SAMD12: variants seen among roughly 807,000 people sequenced by gnomAD.
SAMD12 encodes sterile alpha motif domain containing 12, also known as sterile alpha motif domain-containing protein 12.
A neutral mutation model predicts 15.0 loss-of-function variants in SAMD12; 9 were observed. The ratio of observed to expected loss-of-function variants is 0.60; its 90% CI spans 0.36 to 1.05. The LOEUF (loss-of-function observed/expected upper bound fraction) is 1.05. Among genes scored for constraint, SAMD12 ranks in the 50% least tolerant of loss-of-function variants. The probability of loss-of-function intolerance (pLI) is 0.01; values close to 1 mark genes in which losing one functional copy is unlikely to be tolerated. For synonymous variants in SAMD12, 86 were observed against 90.1 expected (o/e 0.96, Z 0.25); for missense variants, 230 against 234.2 (o/e 0.98, Z 0.12).
At chr8:118,416,058 C>G (rs1164234856) in intron 3 of SAMD12, among the ~76,000 whole-genome samples, 2 of 152,016 alleles carry the variant, frequency 1.3e-5, no homozygotes, top group African/African-American at 2.4e-5. Flanking sequence ...GACATCAGTG[C>G]TCAGTGTTAT....
At chr8:118,501,813 G>A (rs537161310) in intron 2 of SAMD12, among the ~76,000 whole-genome samples, 1 of 152,278 alleles carries the variant, frequency 6.6e-6, no homozygotes, top group Non-Finnish European at 1.5e-5. Flanking sequence ...TCAGGAGATC[G>A]AGACCATCCT....
intron 4 of SAMD12, among the ~76,000 whole-genome samples, chr8:118,372,052 C>T (rs1819131039): frequency 6.6e-6 from 1 of 152,094 alleles, no homozygotes; most frequent in Non-Finnish European, 1.5e-5. Flanking sequence ...ATTTGTAACA[C>T]CAAAGCCTCA....
chr8:118,154,499 C>T, the SAMD12 span, among the ~76,000 whole-genome samples: 1 of 152,254 alleles, frequency 6.6e-6, no homozygotes, highest in East Asian at 1.9e-4. Flanking sequence ...CAAAAATGTG[C>T]ATGTATCGAT....
At chr8:118,503,424 C>T (rs539360650) in intron 2 of SAMD12, among the ~76,000 whole-genome samples, 1 of 152,274 alleles carries the variant, frequency 6.6e-6, no homozygotes, top group Admixed American at 6.5e-5. Context: ...CAAACATTCA[C>T]GAAGAGTTGA....
rs73320229 is a variant in SAMD12 at position 118,290,945 on chromosome 8, C to T, written c.433+88615G>A. Among the ~76,000 whole-genome samples, 1,152 of 152,304 alleles carry T rather than the reference C, an allele frequency of 7.6e-3. 13 individuals carry two copies. The highest frequency in any genetic ancestry group is 0.026 in the African/African-American group (1,095 of 41,568). On this transcript the variant is annotated intron_variant, in intron 4 of 4. Coordinates refer to the SAMD12 transcript ENST00000409003. ...ACAACTCTTACAGAGAGAACATATA[C>T]TTGCAGAGAGAGCATTCTAGCCAAA... is the stretch of plus-strand genomic sequence containing the variant.
chr8:118,515,406 C>G (rs1486768007), intron 2 of SAMD12, among the ~76,000 whole-genome samples: 3 of 152,052 alleles, frequency 2.0e-5, no homozygotes. Flanking sequence ...TTTCCTGAAG[C>G]TTCCTCAGCC....
chr8:118,559,278 C>T (rs1338932615), intron 2 of SAMD12, among the ~76,000 whole-genome samples: 1 of 152,184 alleles, frequency 6.6e-6, no homozygotes, highest in Admixed American at 6.5e-5. Flanking sequence ...TACTCAAGGG[C>T]AGACTCTTTA....
chr8:118,238,520 C>A (rs1341007570), intron 4 of SAMD12, among the ~76,000 whole-genome samples: 2 of 152,136 alleles, frequency 1.3e-5, no homozygotes, highest in Non-Finnish European at 2.9e-5. Context: ...CATCTTCCAA[C>A]CCTTCAGAGT....
intron 4 of SAMD12, among the ~76,000 whole-genome samples, chr8:118,321,917 C>T (rs2130456759): frequency 6.6e-6 from 1 of 152,254 alleles, no homozygotes; most frequent in Middle Eastern, 3.4e-3. Context: ...ACACTTTCTA[C>T]TCACTCAATA....
Position 118,379,512 on chromosome 8 carries a change from T to G in SAMD12, c.511A>C (p.Lys171Gln), listed in dbSNP as rs1819552925. The change falls in exon 4 of 4, where the codon AAG becomes CAG. Residue 171 changes from lysine (K) to glutamine (Q), a missense_variant. Coordinates refer to ENST00000314727, the MANE Select transcript of SAMD12 (RefSeq NM_207506.3). ...DGWMDGEIRR[K>Q]TTLLLGQTGV... is the part of the protein sequence containing the mutation. ...GTCTGTCCTAATAGTAAGGTGGTCT[T>G]TCTTCTAATCTCCCCATCCATCCAC... 7 of 1,613,750 alleles carry G rather than the reference T, an allele frequency of 4.3e-6. No homozygotes were observed. Among genetic ancestry groups the G allele is most frequent in the Non-Finnish European group, 5.9e-6 (7 of 1,179,848 alleles).
intron 4 of SAMD12, among the ~76,000 whole-genome samples, chr8:118,351,855 T>C (rs1563786677): frequency 6.6e-6 from 1 of 152,200 alleles, no homozygotes; most frequent in Non-Finnish European, 1.5e-5. Context: ...GAGCAGATTG[T>C]CTGAATTCTT....
chr8:118,536,075 C>T (rs896650694), intron 2 of SAMD12, among the ~76,000 whole-genome samples: 6 of 152,252 alleles, frequency 3.9e-5, no homozygotes, highest in Non-Finnish European at 5.9e-5. Flanking sequence ...TGTTCCTATT[C>T]GGCCATCTTG....
chr8:118,323,332 G>A (rs991056789), intron 4 of SAMD12, among the ~76,000 whole-genome samples: 1 of 152,138 alleles, frequency 6.6e-6, no homozygotes, highest in Non-Finnish European at 1.5e-5. Flanking sequence ...GTGTTGGGAG[G>A]TGACAAGTGC....
chr8:118,255,085 C>G (rs1168862882), intron 4 of SAMD12, among the ~76,000 whole-genome samples: 1 of 151,998 alleles, frequency 6.6e-6, no homozygotes, highest in Non-Finnish European at 1.5e-5. Flanking sequence ...ACTTTCAAAT[C>G]CATAGCTTAA....
At chr8:118,371,947 A>G (rs1463207002) in intron 4 of SAMD12, among the ~76,000 whole-genome samples, 1 of 152,140 alleles carries the variant, frequency 6.6e-6, no homozygotes, top group Non-Finnish European at 1.5e-5. Flanking sequence ...TATCCTGTAC[A>G]TGGAACATGT....
At chr8:118,164,975 A>ATGTGTG in the SAMD12 span, among the ~76,000 whole-genome samples, 6,255 of 144,170 alleles carry the variant, frequency 0.043, 327 homozygotes, top group African/African-American at 0.13. Context: ...CTGACACTAG[A>ATGTGTG]TGTGTGTGTG....
At chr8:118,417,836 C>G (rs191437718) in intron 3 of SAMD12, among the ~76,000 whole-genome samples, 1 of 152,150 alleles carries the variant, frequency 6.6e-6, no homozygotes, top group Non-Finnish European at 1.5e-5. Flanking sequence ...CTATCATTAA[C>G]AACAATTTCT....
intron 2 of SAMD12, among the ~76,000 whole-genome samples, chr8:118,522,935 C>T (rs563110829): frequency 1.3e-5 from 2 of 152,186 alleles, no homozygotes; most frequent in East Asian, 3.9e-4. Context: ...GATCTCTCTA[C>T]TTAATAAAAT....
intron 3 of SAMD12, among the ~76,000 whole-genome samples, chr8:118,413,420 T>G (rs1821517002): frequency 6.6e-6 from 1 of 152,170 alleles, no homozygotes; most frequent in South Asian, 2.1e-4. Flanking sequence ...AGGCTGCCTT[T>G]TCCTTCCAGA....
Sources: gnomAD v4.1 joint callset for allele counts (sites outside exome capture counted in the v4.1 genomes callset) on GRCh38, gnomAD v4.1.1 for gene constraint, MANE v1.5 for transcripts, NCBI Gene and HGNC (gene_info 2026-07-23, HGNC 2026-07-21) for gene names.